Variants in SFXN5 observed in about 807,000 individuals in gnomAD.
SFXN5 encodes the protein sideroflexin 5.
SFXN5 carries 43 observed loss-of-function variants against 50.2 expected under a neutral mutation model. The ratio of observed to expected loss-of-function variants is 0.86; its 90% CI spans 0.67 to 1.11. SFXN5 has a LOEUF of 1.11. Ranked by LOEUF, SFXN5 falls within the 50% of genes least tolerant of loss-of-function variation. The probability of loss-of-function intolerance (pLI) is 0.00; values close to 1 mark genes in which losing one functional copy is unlikely to be tolerated. For synonymous variants in SFXN5, 203 were observed against 185.8 expected (o/e 1.09, Z -0.75); for missense variants, 463 against 454.1 (o/e 1.02, Z -0.18).
chr2:72,966,576 C>G (rs566286658), intron 12 of SFXN5, among the ~76,000 whole-genome samples: 1 of 152,330 alleles, frequency 6.6e-6, no homozygotes, highest in East Asian at 1.9e-4. Flanking sequence ...CCCAGAGCCT[C>G]CGCCCTCTTC....
chr2:73,054,870 G>A (rs993014808), intron 2 of SFXN5, among the ~76,000 whole-genome samples: 2 of 152,208 alleles, frequency 1.3e-5, no homozygotes, highest in African/African-American at 4.8e-5. Flanking sequence ...TTGTGCTCTT[G>A]CAACTTTTTA....
intron 12 of SFXN5, among the ~76,000 whole-genome samples, chr2:72,966,512 A>G (rs1674423451): frequency 6.6e-6 from 1 of 152,058 alleles, no homozygotes; most frequent in African/African-American, 2.4e-5. Flanking sequence ...CTTCCATACC[A>G]TACGCATTTT....
chr2:73,071,549 T>C, intron 1 of SFXN5, 55 bp downstream of exon 1: 2 of 1,541,698 alleles, frequency 1.3e-6, no homozygotes, highest in Non-Finnish European at 8.9e-7. Context: ...GGAGGGGAGT[T>C]TGCTCGTCCT....
intron 10 of SFXN5, among the ~76,000 whole-genome samples, chr2:72,976,829 C>G (rs1670668302): frequency 6.6e-6 from 1 of 152,088 alleles, no homozygotes; most frequent in African/African-American, 2.4e-5. Flanking sequence ...CATTCAAGAT[C>G]GATTTAGAAA....
intron 3 of SFXN5, among the ~76,000 whole-genome samples, chr2:73,027,591 C>A (rs1036018163): frequency 6.6e-6 from 1 of 152,184 alleles, no homozygotes; most frequent in Non-Finnish European, 1.5e-5. Flanking sequence ...CACTCACTCA[C>A]TCAGAGCAAC....
chr2:73,010,947 G>A (rs1310906498), intron 6 of SFXN5, among the ~76,000 whole-genome samples: 1 of 151,980 alleles, frequency 6.6e-6, no homozygotes, highest in Non-Finnish European at 1.5e-5. Flanking sequence ...AATAAACTAA[G>A]CATTCAAGGC....
chr2:72,955,235 C>T (rs1442942999), intron 13 of SFXN5, among the ~76,000 whole-genome samples: 1 of 151,986 alleles, frequency 6.6e-6, no homozygotes, highest in Admixed American at 6.5e-5. Context: ...TCCTGTTAAA[C>T]TGCTCCTAAT....
chr2:73,051,660 G>C (rs568107313), intron 2 of SFXN5, among the ~76,000 whole-genome samples: 3 of 152,184 alleles, frequency 2.0e-5, no homozygotes, highest in Non-Finnish European at 2.9e-5. Context: ...CACTTCTGTA[G>C]TATCAATTTC....
intron 9 of SFXN5, among the ~76,000 whole-genome samples, chr2:72,991,125 G>A (rs568432130): frequency 6.6e-6 from 1 of 152,216 alleles, no homozygotes; most frequent in Non-Finnish European, 1.5e-5. Context: ...GGAGAGCAGC[G>A]GGAGGGAAAG....
chr2:73,013,534 T>C (rs1479778729), intron 6 of SFXN5, among the ~76,000 whole-genome samples: 13 of 150,796 alleles, frequency 8.6e-5, no homozygotes, highest in Non-Finnish European at 1.6e-4. Flanking sequence ...CCGCAAGAAA[T>C]GCAAAGAAAT....
chr2:72,987,351 G>A (rs545108458), intron 10 of SFXN5, among the ~76,000 whole-genome samples: 2 of 151,766 alleles, frequency 1.3e-5, no homozygotes, highest in South Asian at 2.1e-4. Flanking sequence ...CTCATGATCC[G>A]CCTACCTCGG....
chr2:72,985,830 G>C (rs185152875), intron 10 of SFXN5, among the ~76,000 whole-genome samples: 1 of 152,304 alleles, frequency 6.6e-6, no homozygotes, highest in East Asian at 1.9e-4. Flanking sequence ...GTCTGAAGAG[G>C]GGCAGGTCAG....
intron 13 of SFXN5, among the ~76,000 whole-genome samples, chr2:72,947,226 A>G (rs749739834): frequency 3.9e-5 from 6 of 152,220 alleles, no homozygotes; most frequent in Non-Finnish European, 7.3e-5. Flanking sequence ...AGCCTAGCAC[A>G]ATGCTGGTCC....
chr2:73,008,582 A>G (rs10176939), intron 6 of SFXN5, among the ~76,000 whole-genome samples: 50,744 of 152,068 alleles, frequency 0.33, 10,394 homozygotes, highest in African/African-American at 0.57. Flanking sequence ...TGCCTCTCCC[A>G]GGCCACGTGC....
In SFXN5 at chr2:72,975,303, G is replaced by T. The variant is rs946176903; in HGVS notation, c.626-3618C>A. 2.6e-5 allele frequency among the ~76,000 whole-genome samples: 4 copies of T among 152,330 alleles called. No individual in the cohort carries two copies. In the East Asian group the frequency reaches 7.7e-4, roughly 29 times the overall value. On this transcript the variant is annotated intron_variant, in intron 10 of 13. Coordinates refer to ENST00000272433, the MANE Select transcript of SFXN5 (RefSeq NM_144579.3). ...AAGAGCAGTAGACAGAAAGACAAAT[G>T]TGCAAGAAAGTTCTCCAAAAGAAGA...
chr2:72,956,062 C>A (rs1005011489), intron 13 of SFXN5, among the ~76,000 whole-genome samples: 1 of 152,206 alleles, frequency 6.6e-6, no homozygotes, highest in Non-Finnish European at 1.5e-5. Flanking sequence ...ATCCTGGTAA[C>A]AAGAAAAATG....
At chr2:73,043,023 G>A (rs1026087579) in intron 2 of SFXN5, among the ~76,000 whole-genome samples, 1 of 151,868 alleles carries the variant, frequency 6.6e-6, no homozygotes, top group Non-Finnish European at 1.5e-5. Context: ...AGCTGAGATC[G>A]CACCACTGCA....
intron 3 of SFXN5, among the ~76,000 whole-genome samples, chr2:73,035,962 G>A (rs1318413861): frequency 6.6e-6 from 1 of 152,168 alleles, no homozygotes; most frequent in Non-Finnish European, 1.5e-5. Context: ...ATGACAAACT[G>A]GGTAAAAAAA....
At chr2:72,947,777 A>T (rs1672122186) in intron 13 of SFXN5, among the ~76,000 whole-genome samples, 1 of 152,086 alleles carries the variant, frequency 6.6e-6, no homozygotes, top group Non-Finnish European at 1.5e-5. Context: ...CTGAGGGCCC[A>T]GGCCTCTTCG....
Sources: allele counts gnomAD v4.1 joint callset (sites outside exome capture counted in the v4.1 genomes callset), GRCh38; gene constraint gnomAD v4.1.1; transcripts MANE v1.5; gene names NCBI Gene and HGNC (gene_info 2026-07-23, HGNC 2026-07-21).